CSMD3: variants seen among roughly 807,000 people sequenced by gnomAD.
CSMD3 encodes the protein CUB and sushi domain-containing protein 3.
Under a neutral mutation model 435.2 loss-of-function variants are expected in CSMD3, and 177 were observed. That is an observed-to-expected ratio of 0.41 (90% CI 0.36 to 0.46). The LOEUF is 0.46. CSMD3 is among the 20% of genes least tolerant of loss of function. CSMD3 has a pLI of 0.34. For missense variants in CSMD3, 4,265 were observed against 4,504.6 expected (o/e 0.95, Z 1.52); for synonymous variants, 1,656 against 1,520.5 (o/e 1.09, Z -2.07).
chr8:112,285,976 T>G (rs1819158115), intron 58 of CSMD3, among the ~76,000 whole-genome samples: 1 of 152,064 alleles, frequency 6.6e-6, no homozygotes. Context: ...CCTGCCTCAG[T>G]GTCCCAAATT....
intron 28 of CSMD3, among the ~76,000 whole-genome samples, chr8:112,516,671 TA>T (rs1444247947): frequency 1.3e-5 from 2 of 152,166 alleles, no homozygotes; most frequent in Admixed American, 1.3e-4. Flanking sequence ...TTAAATGAAA[TA>T]ACCATTTTAG....
At chr8:112,961,112 A>C (rs989671789) in intron 7 of CSMD3, among the ~76,000 whole-genome samples, 9 of 151,872 alleles carry the variant, frequency 5.9e-5, no homozygotes, top group Admixed American at 3.9e-4. Context: ...TGTAGCAAGA[A>C]TCTTTAAATG....
At chr8:112,757,125 TA>T (rs2077719507) in intron 13 of CSMD3, among the ~76,000 whole-genome samples, 1 of 152,140 alleles carries the variant, frequency 6.6e-6, no homozygotes, top group South Asian at 2.1e-4. Context: ...ACCTTCACCA[TA>T]AAAAACTTTT....
At chr8:113,328,392 C>T (rs1563705914) in intron 1 of CSMD3, among the ~76,000 whole-genome samples, 1 of 148,036 alleles carries the variant, frequency 6.8e-6, no homozygotes, top group Non-Finnish European at 1.5e-5. Flanking sequence ...GAGCCGAGAT[C>T]CCGCCACTGC....
chr8:113,271,423 C>T (rs1212241063), intron 3 of CSMD3, among the ~76,000 whole-genome samples: 2 of 152,116 alleles, frequency 1.3e-5, no homozygotes, highest in African/African-American at 4.8e-5. Context: ...GGACTTGGTG[C>T]TCTGCGTCCC....
chr8:112,423,660 G>T (rs1389008363), intron 32 of CSMD3, among the ~76,000 whole-genome samples: 1 of 152,030 alleles, frequency 6.6e-6, no homozygotes, highest in Non-Finnish European at 1.5e-5. Context: ...GCCCAGGCTG[G>T]ACTCGAACTT....
intron 6 of CSMD3, among the ~76,000 whole-genome samples, chr8:113,007,202 AG>A (rs1159378827): frequency 4.6e-5 from 7 of 152,062 alleles, no homozygotes; most frequent in African/African-American, 1.7e-4. Context: ...ATTACTCTCT[AG>A]GGCTTGGAAT....
At chr8:112,878,547 C>T (rs1190457349) in intron 10 of CSMD3, among the ~76,000 whole-genome samples, 1 of 152,076 alleles carries the variant, frequency 6.6e-6, no homozygotes, top group Non-Finnish European at 1.5e-5. Context: ...ACCATTTGAT[C>T]CAGCAATCTC....
At chr8:112,714,943 A>G (rs1424866570) in intron 13 of CSMD3, among the ~76,000 whole-genome samples, 2 of 152,210 alleles carry the variant, frequency 1.3e-5, no homozygotes, top group Non-Finnish European at 2.9e-5. Flanking sequence ...ATGGAAATTT[A>G]TAACACTAAA....
intron 6 of CSMD3, among the ~76,000 whole-genome samples, chr8:112,978,583 G>A (rs2084936954): frequency 1.3e-5 from 2 of 151,922 alleles, no homozygotes; most frequent in Non-Finnish European, 2.9e-5. Context: ...CCCACCAACG[G>A]TGATGAAGAT....
chr8:113,138,265 T>C (rs2091464283), intron 4 of CSMD3, among the ~76,000 whole-genome samples: 2 of 151,598 alleles, frequency 1.3e-5, no homozygotes, highest in Admixed American at 1.3e-4. Context: ...TAGTGATGTA[T>C]AGGCTATTTG....
At chr8:113,368,503 G>A (rs1481376775) in intron 1 of CSMD3, among the ~76,000 whole-genome samples, 3 of 152,026 alleles carry the variant, frequency 2.0e-5, no homozygotes, top group Non-Finnish European at 4.4e-5. Flanking sequence ...GTTTCCTAGA[G>A]GAATATGGAT....
chr8:112,696,358 T>G (rs2076255648), intron 13 of CSMD3, among the ~76,000 whole-genome samples: 2 of 152,144 alleles, frequency 1.3e-5, no homozygotes. Context: ...AACAGCATGG[T>G]ACTGGTACCA....
At chr8:112,849,112 G>A (rs955106849) in intron 11 of CSMD3, among the ~76,000 whole-genome samples, 2 of 152,018 alleles carry the variant, frequency 1.3e-5, no homozygotes, top group Non-Finnish European at 2.9e-5. Context: ...CGACAATTAA[G>A]ACTTCTACTA....
At chr8:112,421,617 T>C (rs1160505840) in intron 32 of CSMD3, among the ~76,000 whole-genome samples, 1 of 147,234 alleles carries the variant, frequency 6.8e-6, no homozygotes, top group Non-Finnish European at 1.5e-5. Flanking sequence ...TATGTATATA[T>C]ACATATGTAC....
rs1415560009 is a variant in CSMD3, at chr8:112,233,248, T to C, written c.10740+1117A>G. Among the ~76,000 whole-genome samples, 4 of 152,178 alleles carry C rather than the reference T, an allele frequency of 2.6e-5. No homozygotes were observed. The East Asian group carries it at 5.8e-4, about 22-fold the overall frequency. On this transcript the variant is annotated intron_variant, in intron 68 of 70. Transcript: ENST00000297405. ...AACATTATCATAAAAGTTGTAAGAATCTTGAGTCCTCACTCTAAAAAGCAA... is the reference window on the plus strand; with the variant it reads ...AACATTATCATAAAAGTTGTAAGAACCTTGAGTCCTCACTCTAAAAAGCAA...
At chr8:112,755,555 T>C (rs2077679374) in intron 13 of CSMD3, among the ~76,000 whole-genome samples, 1 of 150,690 alleles carries the variant, frequency 6.6e-6, no homozygotes, top group African/African-American at 2.4e-5. Context: ...CCAGCTCTGA[T>C]GAACTGTGAC....
At chr8:112,630,400 C>CT (rs1300394902) in intron 22 of CSMD3, among the ~76,000 whole-genome samples, 1 of 152,044 alleles carries the variant, frequency 6.6e-6, no homozygotes, top group Non-Finnish European at 1.5e-5. Context: ...AGGTTTTAAG[C>CT]TTTTTATCAA....
intron 9 of CSMD3, among the ~76,000 whole-genome samples, chr8:112,929,512 A>G (rs1283419188): frequency 6.6e-6 from 1 of 152,074 alleles, no homozygotes; most frequent in Admixed American, 6.6e-5. Context: ...TTGTCACTAT[A>G]TGATGTTTTT....
Sources: allele counts gnomAD v4.1 joint callset (sites outside exome capture counted in the v4.1 genomes callset), GRCh38; gene constraint gnomAD v4.1.1; transcripts MANE v1.5; gene names NCBI Gene and HGNC (gene_info 2026-07-23, HGNC 2026-07-21).